RAP1B: variants seen among roughly 807,000 people sequenced by gnomAD.
The protein encoded by RAP1B is ras-related protein Rap-1b.
A neutral mutation model predicts 27.5 loss-of-function variants in RAP1B; 1 was observed. The ratio of observed to expected loss-of-function variants is 0.04; its 90% confidence interval spans 0.01 to 0.17. RAP1B has a LOEUF of 0.17. RAP1B is among the 10% of genes least tolerant of loss of function. The pLI is 1.00. For synonymous variants in RAP1B, 75 were observed against 73.1 expected (o/e 1.03, Z -0.13); for missense variants, 84 against 214.8 (o/e 0.39, Z 3.81).
At position 68,654,103 on chromosome 12, in the gene RAP1B, C is replaced by T. The variant is rs1453026512; in HGVS notation, c.184-9C>T. The T allele has an allele frequency of 8.3e-6, 13 of 1,570,616 alleles. No homozygotes were observed. The highest frequency in any genetic ancestry group is 1.1e-5 in the Non-Finnish European group (13 of 1,148,962). On this transcript the variant is annotated splice_polypyrimidine_tract_variant and intron_variant, in intron 4 of 7. Coordinates refer to ENST00000250559, the MANE Select transcript of RAP1B (RefSeq NM_001010942.3). ...ATTGTTTTTTAACGTTCCTTTCTTTCTATTGTAGGAGCAATTTACAGCAAT... is the reference window on the plus strand; with the variant it reads ...ATTGTTTTTTAACGTTCCTTTCTTTTTATTGTAGGAGCAATTTACAGCAAT...
chr12:68,644,686 CTTTTTTTT>C (rs535569981), intron 1 of RAP1B, among the ~76,000 whole-genome samples: 2 of 109,116 alleles, frequency 1.8e-5, no homozygotes, highest in African/African-American at 7.4e-5. Context: ...TTAAAAGTTA[CTTTTTTTT>C]TTTTTTTTTT....
rs3213922 is a variant in RAP1B, at chr12:68,648,715, A to G, written c.-10A>G. ...TTTAATAAGGTACTAGGTTTTGACAAGCTTGCATCATGCGTGAGTATAAGC... is the reference window on the plus strand; with the variant it reads ...TTTAATAAGGTACTAGGTTTTGACAGGCTTGCATCATGCGTGAGTATAAGC... On this transcript the variant is annotated 5_prime_UTR_variant, in exon 2 of 8. Transcript: ENST00000250559. 9,672 of 1,611,240 alleles carry G rather than the reference A, an allele frequency of 6.0e-3. 238 individuals carry two copies. Among genetic ancestry groups the G allele is most frequent in the East Asian group, 0.053 (2,365 of 44,834 alleles).
chr12:68,655,740 TG>T lies in RAP1B; in HGVS notation c.325-564del, dbSNP rs536441022. On this transcript the variant is annotated intron_variant, in intron 5 of 7. Coordinates refer to ENST00000250559, the MANE Select transcript of RAP1B (RefSeq NM_001010942.3). ...TAGTAGAAACAGGGTTTCGCCATGT[TG>T]GCCAGGCTGGTCTCCAACTCCTGAC... 2.0e-3 allele frequency among the ~76,000 whole-genome samples: 311 copies of T among 152,290 alleles called. 1 individual carries two copies. Among genetic ancestry groups the T allele is most frequent in the African/African-American group, 6.5e-3 (268 of 41,550 alleles).
intron 1 of RAP1B, 44 bp from the exon 2 acceptor site, chr12:68,648,655 C>T (rs1873590352): frequency 2.1e-6 from 3 of 1,427,824 alleles, no homozygotes; most frequent in Non-Finnish European, 2.9e-6. Flanking sequence ...CACAGGAATA[C>T]ACAACTTTAC....
At chr12:68,654,021 C>T in intron 4 of RAP1B, 91 bp from the exon 5 acceptor site, 1 of 1,073,270 alleles carries the variant, frequency 9.3e-7, no homozygotes, top group Non-Finnish European at 1.4e-6. Flanking sequence ...CTACAGTATT[C>T]TTCATTGAGC....
At chr12:68,617,964 A>C (rs796734029) in intron 1 of RAP1B, among the ~76,000 whole-genome samples, 1 of 151,166 alleles carries the variant, frequency 6.6e-6, no homozygotes, top group Non-Finnish European at 1.5e-5. Flanking sequence ...GGGTCTCACC[A>C]TGTTGCCCAT....
chr12:68,657,190 T>G lies in RAP1B; in HGVS notation c.*3T>G, dbSNP rs779957165. 2 of 1,600,990 alleles carry G rather than the reference T, an allele frequency of 1.2e-6. No individual in the cohort carries two copies. Among genetic ancestry groups the G allele is most frequent in the Admixed American group, 3.3e-5 (2 of 59,918 alleles). ...AGTCATCATGTCAGCTGCTTTAATATACTAAATGCATTGTAGCTCTGAGCC... is the reference window on the plus strand; with the variant it reads ...AGTCATCATGTCAGCTGCTTTAATAGACTAAATGCATTGTAGCTCTGAGCC... On this transcript the variant is annotated 3_prime_UTR_variant, in exon 7 of 8. Coordinates refer to ENST00000250559, the MANE Select transcript of RAP1B (RefSeq NM_001010942.3).
At chr12:68,622,409 C>T (rs1016290756) in intron 1 of RAP1B, among the ~76,000 whole-genome samples, 3 of 152,204 alleles carry the variant, frequency 2.0e-5, no homozygotes, top group Non-Finnish European at 2.9e-5. Flanking sequence ...GAACCAGTTC[C>T]TTATCAAGGC....
At chr12:68,648,413 A>G (rs1341759618) in intron 1 of RAP1B, among the ~76,000 whole-genome samples, 1 of 152,206 alleles carries the variant, frequency 6.6e-6, no homozygotes, top group Non-Finnish European at 1.5e-5. Context: ...ATGAGTGGAT[A>G]TGGCTGTGTT....
intron 5 of RAP1B, among the ~76,000 whole-genome samples, chr12:68,654,712 T>C (rs1874077680): frequency 6.6e-6 from 1 of 152,016 alleles, no homozygotes; most frequent in South Asian, 2.1e-4. Flanking sequence ...CTCCTGACCT[T>C]GTGATCCGCC....
At chr12:68,631,325 C>CA (rs1475002194) in intron 1 of RAP1B, among the ~76,000 whole-genome samples, 1 of 151,884 alleles carries the variant, frequency 6.6e-6, no homozygotes. Flanking sequence ...TGTTTTTCGC[C>CA]AAAAAATTAC....
chr12:68,652,501 T>C (rs1407422991), intron 4 of RAP1B, among the ~76,000 whole-genome samples: 1 of 152,110 alleles, frequency 6.6e-6, no homozygotes, highest in Non-Finnish European at 1.5e-5. Flanking sequence ...AATCTTTTTG[T>C]TGTTGTTCCG....
intron 1 of RAP1B, chr12:68,642,441 C>G: frequency 3.0e-6 from 2 of 671,248 alleles, no homozygotes; most frequent in Non-Finnish European, 5.2e-6. Flanking sequence ...TGCTATTGGT[C>G]TACTGTATAA....
intron 1 of RAP1B, among the ~76,000 whole-genome samples, chr12:68,623,118 GTTCT>G (rs1344720795): frequency 1.3e-5 from 2 of 152,312 alleles, no homozygotes; most frequent in East Asian, 3.9e-4. Flanking sequence ...AAAGCTAATT[GTTCT>G]TAGTTACTAT....
intron 1 of RAP1B, among the ~76,000 whole-genome samples, chr12:68,644,686 C>CTT (rs535569981): frequency 0.01 from 1,129 of 109,108 alleles, 83 homozygotes; most frequent in South Asian, 0.015. Context: ...TTAAAAGTTA[C>CTT]TTTTTTTTTT....
intron 1 of RAP1B, chr12:68,642,840 T>C: frequency 1.0e-6 from 1 of 994,660 alleles, no homozygotes; most frequent in South Asian, 1.3e-5. Context: ...GCCCAGTCGA[T>C]AACCGGTGGA....
At chr12:68,614,055 A>G (rs1284804914) in intron 1 of RAP1B, among the ~76,000 whole-genome samples, 1 of 152,206 alleles carries the variant, frequency 6.6e-6, no homozygotes, top group Non-Finnish European at 1.5e-5. Context: ...CTTCCTATCT[A>G]ATTCAAGATT....
At chr12:68,657,771 C>CACACGT (rs1555173798) in intron 7 of RAP1B, 3 of 151,032 alleles carry the variant, frequency 2.0e-5, no homozygotes, top group African/African-American at 2.8e-5. Flanking sequence ...CACACACACA[C>CACACGT]ACGTGCGCGC....
intron 2 of RAP1B, 48 bp downstream of exon 2, chr12:68,648,829 T>C (rs1279093887): frequency 6.6e-7 from 1 of 1,520,020 alleles, no homozygotes; most frequent in Non-Finnish European, 8.9e-7. Context: ...AGACGTTCTT[T>C]TTCTGTTGAG....
Sources: gnomAD v4.1 joint callset for allele counts (sites outside exome capture counted in the v4.1 genomes callset) on GRCh38, gnomAD v4.1.1 for gene constraint, MANE v1.5 for transcripts, NCBI Gene and HGNC (gene_info 2026-07-23, HGNC 2026-07-21) for gene names.